MTR: variants seen among roughly 807,000 people sequenced by gnomAD.
The protein encoded by MTR is 5-methyltetrahydrofolate-homocysteine methyltransferase, also known as methionine synthase.
In MTR, 84 loss-of-function variants were observed where a neutral mutation model predicts 154.8. The observed-to-expected ratio is 0.54, with a 90% CI of 0.45 to 0.65. The LOEUF (loss-of-function observed/expected upper bound fraction) is 0.65, where lower values mean the gene tolerates loss of function less well. MTR is among the 30% of genes least tolerant of loss of function. The probability of loss-of-function intolerance (pLI) is 0.00; values close to 1 mark genes in which losing one functional copy is unlikely to be tolerated. For missense variants in MTR, 1,275 were observed against 1,570.2 expected (o/e 0.81, Z 3.18); for synonymous variants, 554 against 553.9 (o/e 1.00, Z 0.00).
intron 15 of MTR, among the ~76,000 whole-genome samples, chr1:236,842,639 A>T (rs114845908): frequency 2.0e-5 from 3 of 151,966 alleles, no homozygotes; most frequent in Non-Finnish European, 4.4e-5. Flanking sequence ...AATATCTTCA[A>T]ATATATCCTG....
intron 29 of MTR, among the ~76,000 whole-genome samples, chr1:236,892,684 G>T (rs1204734324): frequency 6.6e-6 from 1 of 152,090 alleles, no homozygotes; most frequent in East Asian, 1.9e-4. Context: ...ATGCGCCCAG[G>T]CTCGGACGCC....
chr1:236,831,842 C>G (rs1662629827), intron 12 of MTR, 124 bp from the exon 13 acceptor site: 2 of 726,552 alleles, frequency 2.8e-6, no homozygotes, highest in South Asian at 3.0e-5. Context: ...CATTGGATCT[C>G]CTATCTGCTC....
At chr1:236,890,725 A>G (rs918120343) in intron 28 of MTR, among the ~76,000 whole-genome samples, 2 of 152,180 alleles carry the variant, frequency 1.3e-5, no homozygotes, top group African/African-American at 4.8e-5. Flanking sequence ...TAAAAGCACC[A>G]CGGAATACGA....
At chr1:236,813,268 CAT>C (rs1247948925) in intron 6 of MTR, among the ~76,000 whole-genome samples, 1 of 152,104 alleles carries the variant, frequency 6.6e-6, no homozygotes, top group Non-Finnish European at 1.5e-5. Flanking sequence ...CAGATATAGG[CAT>C]GTGTGTATGT....
rs1407620435 is a variant in MTR, at chr1:236,838,629, G to A, written c.1515+30G>A. 4 of 1,612,836 alleles carry A rather than the reference G, an allele frequency of 2.5e-6. No homozygotes were observed. The African/African-American group carries it at 4.0e-5, about 16-fold the overall frequency. On this transcript the variant is annotated intron_variant, in intron 15 of 32. Coordinates refer to ENST00000366577, the MANE Select transcript of MTR (RefSeq NM_000254.3). ...GTGGTTTCTTTTGGCCTAATCCATT[G>A]TGTTTCCCAGGTTAGATAGTGGTGG...
rs1413755783 is a variant in MTR at position 236,903,284 on chromosome 1, T to G, written c.*5640T>G. ...TTCAAATTTTTACAAGTGTATGTTATTGTACTTTTAAAAAGATTAGCTTGG... is the reference window on the plus strand; with the variant it reads ...TTCAAATTTTTACAAGTGTATGTTAGTGTACTTTTAAAAAGATTAGCTTGG... On this transcript the variant is annotated 3_prime_UTR_variant, in exon 33 of 33. Transcript: ENST00000366577. The G allele has an allele frequency of 1.3e-5, 2 of 152,234 alleles. No homozygotes were observed. The highest frequency in any genetic ancestry group is 2.9e-5 in the Non-Finnish European group (2 of 68,034). The allele number at this position is 152,234 out of a possible 1,614,324, so 9.4% of individuals were successfully genotyped here. A position where few individuals can be genotyped will look rare whatever the true frequency, so the allele number is the denominator to read the frequency against.
At position 236,822,559 on chromosome 1, in the gene MTR, C is replaced by T. The variant is rs138672208; in HGVS notation, c.765-1560C>T. On this transcript the variant is annotated intron_variant, in intron 8 of 32. Transcript: ENST00000366577. ...TCCTGGGCTCAGGTGATCCACCTGC[C>T]TTGGCCTCCCAAAATGCTGAGATTA... Among the ~76,000 whole-genome samples the T allele has an allele frequency of 1.4e-3, 217 of 152,200 alleles. 1 individual carries two copies. The highest frequency in any genetic ancestry group is 4.7e-3 in the African/African-American group (195 of 41,538).
chr1:236,860,168 T>A (rs1664451245), intron 19 of MTR, among the ~76,000 whole-genome samples: 2 of 143,080 alleles, frequency 1.4e-5, no homozygotes, highest in Admixed American at 7.5e-5. Context: ...TGGCATCCTA[T>A]GGCCAGGGGT....
At chr1:236,824,980 A>G (rs1487899500) in intron 9 of MTR, among the ~76,000 whole-genome samples, 7 of 152,174 alleles carry the variant, frequency 4.6e-5, no homozygotes, top group Middle Eastern at 3.4e-3. Context: ...TTCAAAGGTT[A>G]TGTAGTATTC....
intron 14 of MTR, among the ~76,000 whole-genome samples, chr1:236,836,427 G>A (rs761615306): frequency 1.6e-4 from 25 of 152,096 alleles, no homozygotes; most frequent in Non-Finnish European, 3.1e-4. Context: ...TAGAGAGGTC[G>A]GGTCTTGCTG....
chr1:236,868,823 G>A (rs1664962151), intron 22 of MTR, among the ~76,000 whole-genome samples: 2 of 152,220 alleles, frequency 1.3e-5, no homozygotes, highest in African/African-American at 2.4e-5. Context: ...GTTCAGCTGA[G>A]TGAGGAACAT....
chr1:236,852,684 G>C, intron 17 of MTR, 47 bp downstream of exon 17: 3 of 1,535,578 alleles, frequency 2.0e-6, no homozygotes, highest in South Asian at 2.2e-5. Context: ...TTTTTAGTTG[G>C]GGCAGGGGTT....
chr1:236,812,765 A>G lies in MTR; in HGVS notation c.530A>G (p.Gln177Arg). ...TTTGATGAGCTTGTTGAAGCATACCAAGAGCAGGCCAAAGGACTTCTGGAT... is the reference window on the plus strand; with the variant it reads ...TTTGATGAGCTTGTTGAAGCATACCGAGAGCAGGCCAAAGGACTTCTGGAT... Reference protein sequence around the residue: ...ITFDELVEAYQEQAKGLLDGG... With the variant: ...ITFDELVEAYREQAKGLLDGG... The change falls in exon 6 of 33, where the codon CAA (glutamine) becomes CGA (arginine). Residue 177 changes from glutamine to arginine, a missense_variant. Gln to Arg is a conservative substitution (Grantham distance 43). Transcript: ENST00000366577. 6.2e-7 allele frequency: 1 copy of G among 1,614,140 alleles called. No homozygotes were observed. The highest frequency in any genetic ancestry group is 1.3e-5 in the African/African-American group (1 of 75,050).
intron 13 of MTR, 75 bp downstream of exon 13, chr1:236,832,153 C>T (rs1662650519): frequency 8.6e-7 from 1 of 1,167,104 alleles, no homozygotes; most frequent in Non-Finnish European, 1.3e-6. Flanking sequence ...AAACAGCTCT[C>T]TGCCTTTGAT....
At chr1:236,881,323 G>T (rs369139635) in intron 25 of MTR, among the ~76,000 whole-genome samples, 3 of 152,082 alleles carry the variant, frequency 2.0e-5, no homozygotes, top group Admixed American at 1.3e-4. Context: ...ATTCACCCAC[G>T]TCCTGCTTTT....
chr1:236,873,527 G>T (rs909699783), intron 22 of MTR, among the ~76,000 whole-genome samples: 1 of 152,194 alleles, frequency 6.6e-6, no homozygotes, highest in Non-Finnish European at 1.5e-5. Context: ...TGGGTGAATT[G>T]TATGGTATGT....
chr1:236,865,830 C>CT, intron 22 of MTR, among the ~76,000 whole-genome samples: 1 of 150,336 alleles, frequency 6.7e-6, no homozygotes, highest in Non-Finnish European at 1.5e-5. Flanking sequence ...GGTTCCTTTC[C>CT]TTTCTTTTCT....
At chr1:236,825,438 A>G in intron 10 of MTR, 39 bp downstream of exon 10, 1 of 1,523,874 alleles carries the variant, frequency 6.6e-7, no homozygotes, top group Non-Finnish European at 9.1e-7. Flanking sequence ...TAAGAGAGAC[A>G]GAAAGATTGA....
intron 15 of MTR, among the ~76,000 whole-genome samples, chr1:236,843,204 T>G (rs894346225): frequency 2.0e-5 from 3 of 152,086 alleles, no homozygotes; most frequent in Non-Finnish European, 2.9e-5. Context: ...TGTTATTTTA[T>G]GTAGGATAGT....
Sources: gnomAD v4.1 joint callset for allele counts (sites outside exome capture counted in the v4.1 genomes callset) on GRCh38, gnomAD v4.1.1 for gene constraint, MANE v1.5 for transcripts, NCBI Gene and HGNC (gene_info 2026-07-23, HGNC 2026-07-21) for gene names.